Variants in ADRA1A observed in about 807,000 individuals in gnomAD.
ADRA1A encodes the protein alpha-1A adrenergic receptor.
ADRA1A carries 31 observed loss-of-function variants against 29.6 expected under a neutral mutation model. The ratio of observed to expected loss-of-function variants is 1.05; its 90% CI spans 0.79 to 1.41. ADRA1A has a LOEUF of 1.41. Among genes scored for constraint, ADRA1A ranks in the 40% most tolerant of loss-of-function variants. The probability of loss-of-function intolerance (pLI) is 0.00; values close to 1 mark genes in which losing one functional copy is unlikely to be tolerated. For missense variants in ADRA1A, 619 were observed against 601.1 expected, an observed-to-expected ratio of 1.03 and a Z score of -0.31; for synonymous variants, 311 against 254.3, an observed-to-expected ratio of 1.22 and a Z score of -2.12.
rs1195764681 is a variant in ADRA1A at position 26,770,692 on chromosome 8, CATA to C, written c.884-29_884-27del. ...CTGGAAGAAAACACACAGATTTATA[CATA>C]TTATTTGAAAGCCAGCAAGCCAATT... is the stretch of plus-strand genomic sequence containing the variant. On this transcript the variant is annotated intron_variant, in intron 2 of 2. Transcript: ENST00000380573. 6 of 1,564,928 alleles carry C rather than the reference CATA, an allele frequency of 3.8e-6. No homozygotes were observed. The African/African-American group carries it at 5.5e-5, about 14-fold the overall frequency.
chr8:26,775,922 G>A lies in ADRA1A; in HGVS notation c.884-5256C>T, dbSNP rs1806515878. On this transcript the variant is annotated intron_variant, in intron 2 of 2. Coordinates refer to ENST00000380573, the MANE Select transcript of ADRA1A (RefSeq NM_000680.4). The surrounding 1 kb of genome is among the most constrained non-coding windows in gnomAD (Gnocchi z 4.1). ...GAAATTGAAACGAATAATTTAAAAT[G>A]TTGCCTCTATGTCTTTCCACTGAAT... Among the ~76,000 whole-genome samples the A allele has an allele frequency of 6.6e-6, 1 of 152,124 alleles. No homozygotes were observed. The highest frequency in any genetic ancestry group is 2.4e-5 in the African/African-American group (1 of 41,420).
downstream of ADRA1A, among the ~76,000 whole-genome samples, chr8:26,755,290 G>C (rs1805107965): frequency 6.6e-6 from 1 of 151,802 alleles, no homozygotes; most frequent in Admixed American, 6.6e-5. Context: ...AAGGCTTTGT[G>C]ATTTTCAGCC....
intron 2 of ADRA1A, among the ~76,000 whole-genome samples, chr8:26,802,871 AC>A (rs1808690231): frequency 6.6e-6 from 1 of 152,228 alleles, no homozygotes; most frequent in African/African-American, 2.4e-5. Context: ...GTACATATAC[AC>A]AATGGAATAC....
intron 2 of ADRA1A, among the ~76,000 whole-genome samples, chr8:26,819,158 G>A (rs1274086849): frequency 6.6e-6 from 1 of 152,144 alleles, no homozygotes; most frequent in Non-Finnish European, 1.5e-5. Flanking sequence ...CTGGCCAGGA[G>A]GGGAGTGATA....
intron 2 of ADRA1A, among the ~76,000 whole-genome samples, chr8:26,774,981 C>G (rs565504804): frequency 1.3e-5 from 2 of 152,200 alleles, no homozygotes; most frequent in African/African-American, 4.8e-5. Context: ...ATGCTTGTTC[C>G]TGGCCTCCAG....
intron 2 of ADRA1A, among the ~76,000 whole-genome samples, chr8:26,793,190 A>G (rs1488958858): frequency 1.3e-5 from 2 of 151,980 alleles, no homozygotes; most frequent in Non-Finnish European, 2.9e-5. Context: ...ACCAAGAGAT[A>G]GCAAATACAT....
intron 2 of ADRA1A, chr8:26,779,428 C>T (rs776089126): frequency 1.0e-5 from 7 of 702,108 alleles, no homozygotes; most frequent in South Asian, 8.9e-5. Flanking sequence ...TCAGTTTCCT[C>T]ATCTGTAAAA....
At chr8:26,832,909 A>T (rs1413232022) in intron 2 of ADRA1A, among the ~76,000 whole-genome samples, 1 of 152,204 alleles carries the variant, frequency 6.6e-6, no homozygotes, top group Non-Finnish European at 1.5e-5. Flanking sequence ...TGCAGGAAGA[A>T]GGAGACTCTC....
chr8:26,779,575 C>A (rs574670765), intron 2 of ADRA1A: 3 of 563,114 alleles, frequency 5.3e-6, no homozygotes, highest in Non-Finnish European at 9.4e-6. Flanking sequence ...GGAGAGATGG[C>A]CAGAAGGGAA....
intron 2 of ADRA1A, among the ~76,000 whole-genome samples, chr8:26,857,464 C>T (rs1292901338): frequency 3.3e-5 from 5 of 152,042 alleles, no homozygotes; most frequent in African/African-American, 9.7e-5. Flanking sequence ...GTCAGGAGCT[C>T]AAGACCAGCC....
intron 2 of ADRA1A, among the ~76,000 whole-genome samples, chr8:26,750,805 C>T (rs1450606593): frequency 1.3e-5 from 2 of 152,214 alleles, no homozygotes; most frequent in Non-Finnish European, 2.9e-5. Flanking sequence ...TGCAGTGGCT[C>T]ACGCCTATAG....
chr8:26,772,181 A>G (rs1181709898), intron 2 of ADRA1A: 1 of 152,086 alleles, frequency 6.6e-6, no homozygotes, highest in African/African-American at 2.4e-5. Context: ...TGAACTCTTA[A>G]AAATGCTTAT....
chr8:26,798,457 C>T (rs1219715018), intron 2 of ADRA1A, among the ~76,000 whole-genome samples: 1 of 152,184 alleles, frequency 6.6e-6, no homozygotes. Context: ...TTTGCTTACA[C>T]AAGTCATAAA....
intron 2 of ADRA1A, among the ~76,000 whole-genome samples, chr8:26,789,103 T>TC (rs1364313896): frequency 1.6e-4 from 24 of 151,556 alleles, no homozygotes; most frequent in African/African-American, 5.3e-4. Flanking sequence ...ATTCCCCTTT[T>TC]CCCCCCACCC....
chr8:26,776,649 G>A (rs1806571353), intron 2 of ADRA1A, among the ~76,000 whole-genome samples: 1 of 152,214 alleles, frequency 6.6e-6, no homozygotes, highest in African/African-American at 2.4e-5. Flanking sequence ...ATGGCAGTAT[G>A]TCCAGCTTTC....
Position 26,843,864 on chromosome 8 carries a change from G to A in ADRA1A, c.883+20223C>T, listed in dbSNP as rs112063202. Among the ~76,000 whole-genome samples, 372 of 152,324 alleles carry A rather than the reference G, an allele frequency of 2.4e-3. 2 individuals are homozygous for A. The South Asian group carries it at 0.026, about 11-fold the overall frequency. On this transcript the variant is annotated intron_variant, in intron 2 of 2. Transcript: ENST00000380573. ...ACAAACGGACCACAATGGCTGCAGA[G>A]ACACAGTGGTAAAGTGCTTAATAAA...
Position 26,865,008 on chromosome 8 carries a change from GC to G in ADRA1A, c.-40del, listed in dbSNP as rs1813801576. ...GCCGGGCGAGGTCCGGCTGTCCAGGGCCACCTCCCGGGCTGGCGCGGAGGCG... is the reference window on the plus strand; with the variant it reads ...GCCGGGCGAGGTCCGGCTGTCCAGGGCACCTCCCGGGCTGGCGCGGAGGCG... On this transcript the variant is annotated 5_prime_UTR_variant, in exon 2 of 3. Coordinates refer to ENST00000380573, the MANE Select transcript of ADRA1A (RefSeq NM_000680.4). This position sits in a 1 kb window ranked among gnomAD's most constrained non-coding sequence, Gnocchi z 7.6. 3.9e-6 allele frequency: 6 copies of G among 1,545,584 alleles called. No individual in the cohort carries two copies. The highest frequency in any genetic ancestry group is 5.2e-6 in the Non-Finnish European group (6 of 1,152,988).
intron 2 of ADRA1A, among the ~76,000 whole-genome samples, chr8:26,819,526 T>C (rs1810007283): frequency 6.6e-6 from 1 of 152,166 alleles, no homozygotes; most frequent in Non-Finnish European, 1.5e-5. Flanking sequence ...TTGTATGCAA[T>C]TGAATTTAAA....
rs1813800965 is a variant in ADRA1A, at chr8:26,865,003, C to T, written c.-34G>A. On this transcript the variant is annotated 5_prime_UTR_variant, in exon 2 of 3. Transcript: ENST00000380573. The surrounding 1 kb of genome is among the most constrained non-coding windows in gnomAD (Gnocchi z 7.6). ...CCGGGGCCGGGCGAGGTCCGGCTGTCCAGGGCCACCTCCCGGGCTGGCGCG... is the reference window on the plus strand; with the variant it reads ...CCGGGGCCGGGCGAGGTCCGGCTGTTCAGGGCCACCTCCCGGGCTGGCGCG... The T allele has an allele frequency of 1.3e-6, 2 of 1,551,358 alleles. No individual in the cohort carries two copies. The highest frequency in any genetic ancestry group is 1.8e-5 in the Admixed American group (1 of 54,154).
Sources: gnomAD v4.1 joint callset for allele counts (sites outside exome capture counted in the v4.1 genomes callset) on GRCh38, gnomAD v4.1.1 for gene constraint, Gnocchi (gnomAD v3.1) non-coding constraint, MANE v1.5 for transcripts, NCBI Gene and HGNC (gene_info 2026-07-23, HGNC 2026-07-21) for gene names.